Variants in LUC7L2 observed in about 807,000 individuals in gnomAD.
LUC7L2 encodes putative RNA-binding protein Luc7-like 2.
LUC7L2 carries 25 observed loss-of-function variants against 52.8 expected under a neutral mutation model. The ratio of observed to expected loss-of-function variants is 0.47; its 90% CI spans 0.34 to 0.66. LUC7L2 has a LOEUF of 0.66. Among genes scored for constraint, LUC7L2 ranks in the 30% least tolerant of loss-of-function variants. LUC7L2 has a pLI of 0.01. For missense variants in LUC7L2, 328 were observed against 497.8 expected (o/e 0.66, Z 3.25); for synonymous variants, 144 against 160.9 (o/e 0.89, Z 0.80).
chr7:139,400,304 T>A (rs1794850919), intron 3 of LUC7L2, among the ~76,000 whole-genome samples: 1 of 151,992 alleles, frequency 6.6e-6, no homozygotes, highest in Non-Finnish European at 1.5e-5. Context: ...AGGTCAGTAG[T>A]TCAAGACCAG....
intron 1 of LUC7L2, among the ~76,000 whole-genome samples, chr7:139,340,923 C>G (rs920369868): frequency 5.3e-5 from 8 of 151,756 alleles, no homozygotes; most frequent in African/African-American, 1.9e-4. Context: ...TGTCCTTTGT[C>G]TGAGCCGCAG....
At chr7:139,391,061 G>A (rs1037133097) in intron 2 of LUC7L2, among the ~76,000 whole-genome samples, 9 of 152,182 alleles carry the variant, frequency 5.9e-5, no homozygotes, top group African/African-American at 1.7e-4. Context: ...TTGTCTTGGA[G>A]AGGTTTCCAT....
chr7:139,353,188 C>G (rs878926942), intron 1 of LUC7L2, among the ~76,000 whole-genome samples: 69 of 152,250 alleles, frequency 4.5e-4, no homozygotes, highest in Admixed American at 4.4e-3. Flanking sequence ...CAGAGCAAGA[C>G]TGTCCCAAAA....
chr7:139,382,306 ATACT>A (rs1233836124), intron 2 of LUC7L2, among the ~76,000 whole-genome samples: 1 of 152,330 alleles, frequency 6.6e-6, no homozygotes, highest in Non-Finnish European at 1.5e-5. Flanking sequence ...ATCTTAAAAA[ATACT>A]TACAGATAGG....
intron 8 of LUC7L2, among the ~76,000 whole-genome samples, chr7:139,414,248 A>G (rs1477912431): frequency 6.6e-6 from 1 of 152,202 alleles, no homozygotes; most frequent in African/African-American, 2.4e-5. Context: ...TCTCATTCAT[A>G]TGAGAAGTTA....
intron 2 of LUC7L2, among the ~76,000 whole-genome samples, chr7:139,383,333 G>C (rs1162754320): frequency 1.3e-5 from 2 of 152,022 alleles, no homozygotes; most frequent in African/African-American, 2.4e-5. Context: ...GGTCAGGCTG[G>C]TCTTGAACTC....
At position 139,405,570 on chromosome 7, in the gene LUC7L2, C is replaced by T. The variant is rs1795083422; in HGVS notation, c.367-74C>T. Reference sequence around the variant, plus strand: ...CCTTAGATAACAAGTTTTTTCTCAGCAGTTCTGAAATACTTTGAAATTTAA... The same window carrying T: ...CCTTAGATAACAAGTTTTTTCTCAGTAGTTCTGAAATACTTTGAAATTTAA... On this transcript the variant is annotated intron_variant, in intron 4 of 9. Transcript: ENST00000354926. The T allele has an allele frequency of 2.0e-5, 29 of 1,473,006 alleles. No individual in the cohort carries two copies. The South Asian group carries it at 4.2e-4, about 22-fold the overall frequency. The allele number at this position is 1,473,006 out of a possible 1,614,324, so 91.2% of individuals were successfully genotyped here. A position where few individuals can be genotyped will look rare whatever the true frequency, so the allele number is the denominator to read the frequency against.
chr7:139,374,495 A>G (rs1305497437), intron 1 of LUC7L2: 4 of 1,550,264 alleles, frequency 2.6e-6, no homozygotes, highest in East Asian at 4.9e-5. Flanking sequence ...AACTTTTCAG[A>G]TGTGTTAATG....
At chr7:139,415,078 T>G (rs1396905427) in intron 8 of LUC7L2, among the ~76,000 whole-genome samples, 1 of 146,576 alleles carries the variant, frequency 6.8e-6, no homozygotes, top group African/African-American at 2.5e-5. Context: ...TTTTTTTTTT[T>G]TTTTTGTATT....
chr7:139,342,725 GTGT>G (rs1290310171), intron 1 of LUC7L2, among the ~76,000 whole-genome samples: 8 of 152,166 alleles, frequency 5.3e-5, no homozygotes, highest in African/African-American at 1.9e-4. Context: ...GCCTCCCAAA[GTGT>G]TGTAATTACA....
chr7:139,387,868 A>G (rs529518671), intron 2 of LUC7L2, among the ~76,000 whole-genome samples: 4 of 152,094 alleles, frequency 2.6e-5, no homozygotes, highest in African/African-American at 7.2e-5. Flanking sequence ...TCCTCCTGCT[A>G]TGGCCTCACA....
intron 7 of LUC7L2, 38 bp downstream of exon 7, chr7:139,409,692 C>G: frequency 6.5e-7 from 1 of 1,546,950 alleles, no homozygotes; most frequent in East Asian, 2.3e-5. Flanking sequence ...AGTTGAATCT[C>G]TGTGGTTCTA....
At chr7:139,408,837 G>A (rs1221701970) in intron 6 of LUC7L2, among the ~76,000 whole-genome samples, 1 of 119,512 alleles carries the variant, frequency 8.4e-6, no homozygotes, top group Non-Finnish European at 1.7e-5. Context: ...GCGAGACTCT[G>A]TCTCAAAAAA....
At chr7:139,372,090 T>G (rs1800479720) in intron 1 of LUC7L2, among the ~76,000 whole-genome samples, 1 of 152,216 alleles carries the variant, frequency 6.6e-6, no homozygotes, top group Non-Finnish European at 1.5e-5. Context: ...AAATCAAGTT[T>G]CTAATTCTAA....
intron 1 of LUC7L2, among the ~76,000 whole-genome samples, chr7:139,343,606 A>C (rs776017328): frequency 6.6e-6 from 1 of 152,124 alleles, no homozygotes; most frequent in Non-Finnish European, 1.5e-5. Context: ...CACACATTCT[A>C]GTTTTCAGAT....
chr7:139,375,271 G>A, intron 1 of LUC7L2: 1 of 985,082 alleles, frequency 1.0e-6, no homozygotes, highest in Non-Finnish European at 1.2e-6. Context: ...GGATGCTTCT[G>A]TTGCTTAGGA....
chr7:139,410,571 A>G (rs1369816082), intron 7 of LUC7L2, among the ~76,000 whole-genome samples: 1 of 152,100 alleles, frequency 6.6e-6, no homozygotes, highest in East Asian at 1.9e-4. Flanking sequence ...TGGTGGCAAC[A>G]TTTTTTTGTA....
chr7:139,411,546 A>G (rs1795360201), intron 7 of LUC7L2, among the ~76,000 whole-genome samples: 1 of 152,196 alleles, frequency 6.6e-6, no homozygotes, highest in African/African-American at 2.4e-5. Context: ...TCACACAGAC[A>G]GTGAATGGTA....
intron 8 of LUC7L2, chr7:139,417,112 A>T (rs1213309266): frequency 6.3e-6 from 1 of 158,678 alleles, no homozygotes; most frequent in Non-Finnish European, 1.4e-5. Context: ...TCACCAGGTC[A>T]TTGCAGCAGC....
Sources: gnomAD v4.1 joint callset for allele counts (sites outside exome capture counted in the v4.1 genomes callset) on GRCh38, gnomAD v4.1.1 for gene constraint, MANE v1.5 for transcripts, NCBI Gene and HGNC (gene_info 2026-07-23, HGNC 2026-07-21) for gene names.